Variants in SGK1 observed in about 807,000 individuals in gnomAD.
SGK1 encodes the protein serine/threonine-protein kinase Sgk1.
In SGK1, 26 loss-of-function variants were observed where a neutral mutation model predicts 64.2. That is an observed-to-expected ratio of 0.40 (90% CI 0.30 to 0.56). The LOEUF (loss-of-function observed/expected upper bound fraction) is 0.56, where lower values mean the gene tolerates loss of function less well. SGK1 is among the 20% of genes least tolerant of loss of function. The probability of loss-of-function intolerance (pLI) is 0.38; values close to 1 mark genes in which losing one functional copy is unlikely to be tolerated. For missense variants in SGK1, 519 were observed against 645.6 expected, an observed-to-expected ratio of 0.80 and a Z score of 2.12; for synonymous variants, 265 against 239.7, an observed-to-expected ratio of 1.11 and a Z score of -0.98.
intron 11 of SGK1, 34 bp downstream of exon 11, chr6:134,171,603 G>A (rs1244153254): frequency 5.6e-6 from 8 of 1,438,850 alleles, no homozygotes; most frequent in Non-Finnish European, 7.8e-6. Flanking sequence ...GTAGGGAGCA[G>A]GCAGTGTTCC....
At chr6:134,289,985 C>A (rs1777239668) in intron 1 of SGK1, among the ~76,000 whole-genome samples, 2 of 151,692 alleles carry the variant, frequency 1.3e-5, no homozygotes, top group South Asian at 4.2e-4. Flanking sequence ...CCCATCTCTA[C>A]TAAAAAAATA....
At chr6:134,181,637 G>T (rs1172974231) in intron 3 of SGK1, among the ~76,000 whole-genome samples, 2 of 151,898 alleles carry the variant, frequency 1.3e-5, no homozygotes, top group African/African-American at 2.4e-5. Flanking sequence ...AAGCCACCAT[G>T]CCCGGCCCAA....
At chr6:134,171,526 CT>C in intron 11 of SGK1, 110 bp downstream of exon 11, 1 of 721,902 alleles carries the variant, frequency 1.4e-6, no homozygotes, top group Non-Finnish European at 2.4e-6. Context: ...CTCTTAGCTG[CT>C]TTTGATAAGC....
intron 2 of SGK1, among the ~76,000 whole-genome samples, chr6:134,259,431 G>A (rs1285168898): frequency 6.6e-6 from 1 of 151,608 alleles, no homozygotes; most frequent in Non-Finnish European, 1.5e-5. Context: ...CTTGAGGTCC[G>A]GAGTTCAAGA....
intron 2 of SGK1, among the ~76,000 whole-genome samples, chr6:134,243,241 A>G (rs2114727162): frequency 6.6e-6 from 1 of 152,290 alleles, no homozygotes; most frequent in East Asian, 1.9e-4. Context: ...TTTATTTCTA[A>G]ATTGTCTGAG....
intron 2 of SGK1, chr6:134,256,964 A>G (rs1776693455): frequency 6.6e-6 from 1 of 152,250 alleles, no homozygotes; most frequent in Admixed American, 6.5e-5. Context: ...ACCATTAAAC[A>G]TAGCATTTAT....
rs192992457 is a variant in SGK1 at position 134,281,392 on chromosome 6, G to T, written c.70-19244C>A. ...TGTAACAAGTGGTAAGGATGAGTAG[G>T]TGGTAGTAAAAGAGAGGCATCTGAA... On this transcript the variant is annotated intron_variant, in intron 1 of 13. Transcript: ENST00000367858. Among the ~76,000 whole-genome samples the T allele has an allele frequency of 3.8e-3, 579 of 152,240 alleles. 11 individuals carry two copies. Among genetic ancestry groups the T allele is most frequent in the Non-Finnish European group, 2.1e-3 (145 of 68,018 alleles).
chr6:134,225,024 G>A (rs1763497), intron 2 of SGK1, among the ~76,000 whole-genome samples: 102,283 of 127,256 alleles, frequency 0.8, 41,361 homozygotes, highest in East Asian at 0.98. Flanking sequence ...AAAAAAAAAA[G>A]AAAAAAGAAA....
chr6:134,217,448 A>G (rs1776004318), intron 2 of SGK1, among the ~76,000 whole-genome samples: 1 of 152,100 alleles, frequency 6.6e-6, no homozygotes, highest in African/African-American at 2.4e-5. Context: ...GACCCACCGG[A>G]CCACTACTGC....
intron 3 of SGK1, among the ~76,000 whole-genome samples, chr6:134,190,468 T>C (rs1775492985): frequency 6.6e-6 from 1 of 152,092 alleles, no homozygotes; most frequent in Non-Finnish European, 1.5e-5. Flanking sequence ...GTATTTTTAG[T>C]AGAGACAGGG....
intron 1 of SGK1, chr6:134,298,069 C>T: frequency 1.6e-6 from 2 of 1,266,494 alleles, no homozygotes; most frequent in Non-Finnish European, 2.3e-6. Context: ...TCTCGTCAGT[C>T]AGCCCTTCCA....
chr6:134,240,116 A>G (rs1210736945), intron 2 of SGK1, among the ~76,000 whole-genome samples: 17 of 152,044 alleles, frequency 1.1e-4, no homozygotes, highest in Admixed American at 1.1e-3. Flanking sequence ...ACATGGTGAA[A>G]CCCTGTCTTT....
At chr6:134,177,089 C>T (rs1775252851) in intron 3 of SGK1, among the ~76,000 whole-genome samples, 1 of 152,178 alleles carries the variant, frequency 6.6e-6, no homozygotes, top group Admixed American at 6.5e-5. Flanking sequence ...TGGCGTGCGC[C>T]TGTAGTCCCA....
At chr6:134,299,426 A>C (rs2114789722) in intron 1 of SGK1, among the ~76,000 whole-genome samples, 1 of 152,308 alleles carries the variant, frequency 6.6e-6, no homozygotes, top group Non-Finnish European at 1.5e-5. Flanking sequence ...CACATGGAAC[A>C]AAAGCTGGCT....
intron 2 of SGK1, among the ~76,000 whole-genome samples, chr6:134,240,672 T>C (rs1368604334): frequency 6.6e-6 from 1 of 152,218 alleles, no homozygotes; most frequent in Non-Finnish European, 1.5e-5. Flanking sequence ...AAATGATATA[T>C]TAGTTGTCAT....
intron 2 of SGK1, among the ~76,000 whole-genome samples, chr6:134,229,275 C>T (rs1776240640): frequency 6.6e-6 from 1 of 152,166 alleles, no homozygotes; most frequent in South Asian, 2.1e-4. Context: ...TTTCCCTTCC[C>T]GTTAAACTTA....
intron 2 of SGK1, among the ~76,000 whole-genome samples, chr6:134,229,045 G>GTGTTAGCCAGGA (rs1279679897): frequency 6.6e-6 from 1 of 152,018 alleles, no homozygotes; most frequent in Non-Finnish European, 1.5e-5. Flanking sequence ...GGGTTTCACC[G>GTGTTAGCCAGGA]TGGTCTCGAT....
rs1774938848 is a variant in SGK1, at chr6:134,169,527, G to A, written c.*741C>T. ...TTTTACAGGTGACATTTTAAACAAT[G>A]AAAAACACCAACGGCTCTGACTGAC... is the stretch of plus-strand genomic sequence containing the variant. On this transcript the variant is annotated 3_prime_UTR_variant, in exon 14 of 14. Transcript: ENST00000367858. 6.6e-6 allele frequency: 1 copy of A among 150,972 alleles called. No individual in the cohort carries two copies. The highest frequency in any genetic ancestry group is 2.1e-4 in the South Asian group (1 of 4,716). 9.4% of individuals were successfully genotyped at this position (150,972 alleles called of 1,614,324 possible). A position where few individuals can be genotyped will look rare whatever the true frequency, so the allele number is the denominator to read the frequency against.
Position 134,169,990 on chromosome 6 carries a change from C to G in SGK1, c.*278G>C. 4.2e-6 allele frequency: 1 copy of G among 236,356 alleles called. No homozygotes were observed. The highest frequency in any genetic ancestry group is 1.4e-4 in the South Asian group (1 of 6,990). 14.6% of individuals were successfully genotyped at this position (236,356 alleles called of 1,614,324 possible). The stretch of plus-strand genomic sequence containing the variant: ...TTTTAGAACAGCGTCCGCTTTCTAA[C>G]GAAACTCCTGCCTCCGTCTAAGGCG... On this transcript the variant is annotated 3_prime_UTR_variant, in exon 14 of 14. Transcript: ENST00000367858.
Sources: allele counts gnomAD v4.1 joint callset (sites outside exome capture counted in the v4.1 genomes callset), GRCh38; gene constraint gnomAD v4.1.1; transcripts MANE v1.5; gene names NCBI Gene and HGNC (gene_info 2026-07-23, HGNC 2026-07-21).